The following CALN1 variants were observed in gnomAD, a reference collection of about 807,000 sequenced individuals.
CALN1 encodes calneuron 1.
CALN1 carries 17 observed loss-of-function variants against 30.6 expected under a neutral mutation model. That is an observed-to-expected ratio of 0.56 (90% CI 0.38 to 0.83). The LOEUF is 0.83. Among genes scored for constraint, CALN1 ranks in the 40% least tolerant of loss-of-function variants. The probability of loss-of-function intolerance (pLI) is 0.00; values close to 1 mark genes in which losing one functional copy is unlikely to be tolerated. For missense variants in CALN1, 291 were observed against 354.9 expected (o/e 0.82, Z 1.45); for synonymous variants, 156 against 131.4 (o/e 1.19, Z -1.28).
chr7:72,321,966 C>A (rs573187668), intron 2 of CALN1, among the ~76,000 whole-genome samples: 25 of 152,318 alleles, frequency 1.6e-4, no homozygotes, highest in Admixed American at 1.5e-3. Flanking sequence ...GCACCAAGGA[C>A]CAGTTTCGTG....
At chr7:71,905,376 T>C (rs1474005483) in intron 5 of CALN1, among the ~76,000 whole-genome samples, 1 of 143,110 alleles carries the variant, frequency 7.0e-6, no homozygotes, top group Non-Finnish European at 1.5e-5. Context: ...TTGTACCTAA[T>C]GTGTAGTTTT....
intron 2 of CALN1, among the ~76,000 whole-genome samples, chr7:72,372,815 G>C (rs893400240): frequency 2.0e-5 from 3 of 152,056 alleles, no homozygotes; most frequent in African/African-American, 7.2e-5. Context: ...CCTGAATCAC[G>C]TAACAAAATA....
At chr7:71,812,600 A>C (rs1788019272) in intron 5 of CALN1, among the ~76,000 whole-genome samples, 1 of 152,172 alleles carries the variant, frequency 6.6e-6, no homozygotes, top group Non-Finnish European at 1.5e-5. Flanking sequence ...TCAGGAAAGA[A>C]CTGGTTGATT....
intron 1 of CALN1, among the ~76,000 whole-genome samples, chr7:72,428,212 A>C (rs1401006851): frequency 6.6e-6 from 1 of 152,216 alleles, no homozygotes; most frequent in Non-Finnish European, 1.5e-5. Context: ...TCATAATCAC[A>C]GAGTAGCTCA....
At chr7:71,836,287 T>A (rs1367035975) in intron 5 of CALN1, among the ~76,000 whole-genome samples, 1 of 152,096 alleles carries the variant, frequency 6.6e-6, no homozygotes, top group Non-Finnish European at 1.5e-5. Context: ...ACTATCACCC[T>A]TGCAATTTCC....
intron 5 of CALN1, among the ~76,000 whole-genome samples, chr7:71,935,044 T>A (rs1344153140): frequency 6.6e-6 from 1 of 152,192 alleles, no homozygotes; most frequent in Non-Finnish European, 1.5e-5. Flanking sequence ...AGATGAGATT[T>A]GGGTGGGCAA....
At chr7:72,020,764 C>G (rs943757602) in intron 5 of CALN1, among the ~76,000 whole-genome samples, 3 of 152,308 alleles carry the variant, frequency 2.0e-5, no homozygotes, top group African/African-American at 7.2e-5. Context: ...CTGAATTAAG[C>G]TACAGGCAGT....
At chr7:71,955,750 G>A (rs763817987) in intron 5 of CALN1, among the ~76,000 whole-genome samples, 1 of 152,000 alleles carries the variant, frequency 6.6e-6, no homozygotes, top group Non-Finnish European at 1.5e-5. Context: ...GATCCGTCCT[G>A]GAAGGAGTCA....
intron 2 of CALN1, among the ~76,000 whole-genome samples, chr7:72,387,896 TA>T (rs1223813235): frequency 6.6e-6 from 1 of 152,130 alleles, no homozygotes; most frequent in East Asian, 1.9e-4. Context: ...AATTGGGGGA[TA>T]GGGGTAGGGA....
intron 3 of CALN1, among the ~76,000 whole-genome samples, chr7:72,233,362 G>C (rs935967918): frequency 6.6e-6 from 1 of 152,010 alleles, no homozygotes; most frequent in African/African-American, 2.4e-5. Context: ...GTGGGATGGA[G>C]AGTTAAGGGG....
At chr7:72,051,836 G>A (rs12533623) in intron 4 of CALN1, among the ~76,000 whole-genome samples, 63,081 of 151,900 alleles carry the variant, frequency 0.42, 14,475 homozygotes, top group East Asian at 0.96. Flanking sequence ...ACAGTGCTGG[G>A]GAAAATACTA....
chr7:72,389,214 CT>C (rs772341859), intron 2 of CALN1, among the ~76,000 whole-genome samples: 5 of 152,216 alleles, frequency 3.3e-5, no homozygotes, highest in Admixed American at 6.5e-5. Context: ...CAAACACCCC[CT>C]GGGGACCAAT....
At chr7:72,488,608 G>A in the CALN1 span, among the ~76,000 whole-genome samples, 3 of 152,014 alleles carry the variant, frequency 2.0e-5, no homozygotes, top group Non-Finnish European at 4.4e-5. Context: ...TGGAGCACGT[G>A]CCTTGGACCA....
intron 2 of CALN1, among the ~76,000 whole-genome samples, chr7:72,322,085 T>C (rs1469498555): frequency 6.6e-6 from 1 of 152,176 alleles, no homozygotes; most frequent in Non-Finnish European, 1.5e-5. Flanking sequence ...GATTGTAATA[T>C]ACAATGAAAT....
intron 5 of CALN1, among the ~76,000 whole-genome samples, chr7:71,966,657 G>T (rs1464588239): frequency 2.0e-5 from 3 of 152,234 alleles, no homozygotes; most frequent in Non-Finnish European, 4.4e-5. Flanking sequence ...TTCCCGTACA[G>T]CCTGCAGAAT....
chr7:72,025,479 T>C (rs1800996689), intron 4 of CALN1, among the ~76,000 whole-genome samples: 1 of 152,246 alleles, frequency 6.6e-6, no homozygotes, highest in Admixed American at 6.5e-5. Context: ...TATGTACTTG[T>C]ACAATGAATG....
intron 2 of CALN1, among the ~76,000 whole-genome samples, chr7:72,309,878 G>A (rs1799924059): frequency 6.6e-6 from 1 of 152,082 alleles, no homozygotes; most frequent in South Asian, 2.1e-4. Flanking sequence ...CTTAACCTGC[G>A]CTTCCCGCTT....
intron 4 of CALN1, among the ~76,000 whole-genome samples, chr7:72,046,383 G>C (rs577938077): frequency 2.0e-5 from 3 of 151,980 alleles, no homozygotes; most frequent in Non-Finnish European, 4.4e-5. Context: ...TGAGACTACA[G>C]GCACACACCA....
intron 1 of CALN1, among the ~76,000 whole-genome samples, chr7:72,421,281 T>A (rs538351728): frequency 4.6e-5 from 7 of 152,270 alleles, no homozygotes; most frequent in Non-Finnish European, 1.5e-5. Context: ...CTCCCCACCC[T>A]GAGTCCCCAC....
Sources: gnomAD v4.1 joint callset for allele counts (sites outside exome capture counted in the v4.1 genomes callset) on GRCh38, gnomAD v4.1.1 for gene constraint, MANE v1.5 for transcripts, NCBI Gene and HGNC (gene_info 2026-07-23, HGNC 2026-07-21) for gene names.